Variants in OSBPL10 observed in about 807,000 individuals in gnomAD.
OSBPL10 encodes the protein oxysterol binding protein like 10, also known as oxysterol-binding protein-related protein 10.
In OSBPL10, 49 loss-of-function variants were observed where a neutral mutation model predicts 81.7. The ratio of observed to expected loss-of-function variants is 0.60; its 90% CI spans 0.48 to 0.76. The LOEUF is 0.76. Ranked by LOEUF, OSBPL10 falls within the 30% of genes least tolerant of loss-of-function variation. The pLI, the probability that OSBPL10 is intolerant of heterozygous loss-of-function variation, is 0.00. For synonymous variants in OSBPL10, 419 were observed against 383.6 expected, an observed-to-expected ratio of 1.09 and a Z score of -1.08; for missense variants, 923 against 987.8, an observed-to-expected ratio of 0.93 and a Z score of 0.88.
At chr3:32,056,208 GT>G (rs936185409) in intron 1 of OSBPL10, among the ~76,000 whole-genome samples, 2 of 152,126 alleles carry the variant, frequency 1.3e-5, no homozygotes, top group South Asian at 2.1e-4. Context: ...TTGTTTTTGA[GT>G]TTTTTTCTGC....
intron 4 of OSBPL10, among the ~76,000 whole-genome samples, chr3:31,812,718 AAAAGAAAGAAAGAAAGAAAGAAAGAAAG>A (rs140026828): frequency 0.01 from 433 of 41,806 alleles, 3 homozygotes; most frequent in African/African-American, 0.017. Context: ...TAGGCAAAAA[AAAAGAAAGAAAGAAAGAAAGAAAGAAAG>A]AAAGAAAGAA....
Position 31,838,201 on chromosome 3 carries a change from C to T in OSBPL10, c.538-7970G>A, listed in dbSNP as rs1700406556. Among the ~76,000 whole-genome samples, 9 of 152,246 alleles carry T rather than the reference C, an allele frequency of 5.9e-5. 1 individual carries two copies. In the South Asian group the frequency reaches 1.9e-3, roughly 32 times the overall value. On this transcript the variant is annotated intron_variant, in intron 3 of 11. Coordinates refer to ENST00000396556, the MANE Select transcript of OSBPL10 (RefSeq NM_017784.5). ...ATTACGGTCTAAATATTTGTGTCCC[C>T]TCCCCGCTAAAAAAGCTCATATATT...
intron 4 of OSBPL10, among the ~76,000 whole-genome samples, chr3:31,804,447 C>G (rs1306944373): frequency 6.6e-6 from 1 of 152,156 alleles, no homozygotes; most frequent in Non-Finnish European, 1.5e-5. Flanking sequence ...GCAAATGACC[C>G]AGCCTCTAGG....
intron 8 of OSBPL10, among the ~76,000 whole-genome samples, chr3:31,671,261 G>A (rs1700317273): frequency 6.6e-6 from 1 of 152,174 alleles, no homozygotes; most frequent in African/African-American, 2.4e-5. Flanking sequence ...CAGTGATAAA[G>A]GTAGGAGGGC....
chr3:31,970,205 C>T lies in OSBPL10; in HGVS notation c.281+10694G>A, dbSNP rs1478426528. Among the ~76,000 whole-genome samples the T allele has an allele frequency of 2.6e-5, 4 of 152,140 alleles. No homozygotes were observed. In the East Asian group the frequency reaches 5.8e-4, roughly 22 times the overall value. ...ATTAGGGTTAGATCTGACTGAGACTCGGGGCTTGCAAAAGAAGCATATTCC... is the reference window on the plus strand; with the variant it reads ...ATTAGGGTTAGATCTGACTGAGACTTGGGGCTTGCAAAAGAAGCATATTCC... On this transcript the variant is annotated intron_variant, in intron 1 of 11. Coordinates refer to ENST00000396556, the MANE Select transcript of OSBPL10 (RefSeq NM_017784.5).
At chr3:31,818,227 C>A (rs1267342280) in intron 4 of OSBPL10, among the ~76,000 whole-genome samples, 1 of 152,066 alleles carries the variant, frequency 6.6e-6, no homozygotes, top group African/African-American at 2.4e-5. Context: ...TGTGGGTGGG[C>A]CGCTCCAGTC....
chr3:31,989,116 A>G (rs758904217), intron 2 of OSBPL10: 1 of 1,614,144 alleles, frequency 6.2e-7, no homozygotes, highest in South Asian at 1.1e-5. Flanking sequence ...GAGGAAAGAA[A>G]AGGAGCCAGG....
chr3:31,908,568 C>T (rs1245675254), intron 1 of OSBPL10, among the ~76,000 whole-genome samples: 1 of 152,112 alleles, frequency 6.6e-6, no homozygotes, highest in Non-Finnish European at 1.5e-5. Flanking sequence ...TTTTTTGCCA[C>T]GTAAATGCCC....
At chr3:31,988,290 C>T (rs766773316) in intron 2 of OSBPL10, among the ~76,000 whole-genome samples, 9 of 152,152 alleles carry the variant, frequency 5.9e-5, no homozygotes, top group African/African-American at 1.9e-4. Flanking sequence ...GCCTCTCCTA[C>T]CTAGACCTGA....
intron 1 of OSBPL10, among the ~76,000 whole-genome samples, chr3:31,972,383 T>G (rs1188644796): frequency 1.3e-5 from 2 of 152,056 alleles, no homozygotes; most frequent in Non-Finnish European, 2.9e-5. Context: ...AGCGAGACTC[T>G]GTCTCAAAAA....
chr3:31,903,650 G>A (rs1696319766), intron 1 of OSBPL10, among the ~76,000 whole-genome samples: 1 of 152,060 alleles, frequency 6.6e-6, no homozygotes. Context: ...TTTTAAAGAT[G>A]AGGAAACCGA....
At chr3:31,693,957 A>C (rs1253134647) in intron 7 of OSBPL10, among the ~76,000 whole-genome samples, 1 of 152,102 alleles carries the variant, frequency 6.6e-6, no homozygotes, top group Non-Finnish European at 1.5e-5. Flanking sequence ...TTTGGTAGAG[A>C]CAAGGTCTTG....
rs1699762265 is a variant in OSBPL10 at position 32,063,654 on chromosome 3, T to A, written n.185+13742A>T. ...ATCCCTATATGTGAAGGGAGGGACCTGGTGGGAGGTGATTGGATCATGGGG... is the reference window on the plus strand; with the variant it reads ...ATCCCTATATGTGAAGGGAGGGACCAGGTGGGAGGTGATTGGATCATGGGG... On this transcript the variant is annotated intron_variant and non_coding_transcript_variant, in intron 1 of 3. Transcript: ENST00000479173. 2.2e-5 allele frequency among the ~76,000 whole-genome samples: 2 copies of A among 91,728 alleles called. 1 individual carries two copies. Among genetic ancestry groups the A allele is most frequent in the South Asian group, 8.7e-4 (2 of 2,286 alleles). The allele number at this position is 91,728 out of a possible 152,430, so 60.2% of individuals were successfully genotyped here.
intron 1 of OSBPL10, among the ~76,000 whole-genome samples, chr3:31,924,907 T>C (rs1256770138): frequency 6.6e-6 from 1 of 152,214 alleles, no homozygotes; most frequent in Non-Finnish European, 1.5e-5. Flanking sequence ...AATTTCATCT[T>C]TTCTTTTCAA....
intron 2 of OSBPL10, chr3:31,991,043 A>G: frequency 1.4e-6 from 2 of 1,407,600 alleles, no homozygotes; most frequent in Non-Finnish European, 1.9e-6. Context: ...TGCAATGAGT[A>G]TAGCAAACCA....
At chr3:31,762,817 A>G (rs951645638) in intron 4 of OSBPL10, among the ~76,000 whole-genome samples, 1 of 151,778 alleles carries the variant, frequency 6.6e-6, no homozygotes, top group Non-Finnish European at 1.5e-5. Flanking sequence ...CTGAAAGAGT[A>G]AACCATTTGC....
rs1696105668 is a variant in OSBPL10 at position 31,897,981 on chromosome 3, T to A, written c.282-18151A>T. Among the ~76,000 whole-genome samples, 3 of 124,242 alleles carry A rather than the reference T, an allele frequency of 2.4e-5. No individual in the cohort carries two copies. The South Asian group carries it at 8.0e-4, about 33-fold the overall frequency. 81.5% of individuals were successfully genotyped at this position (124,242 alleles called of 152,430 possible). A position where few individuals can be genotyped will look rare whatever the true frequency, so the allele number is the denominator to read the frequency against. On this transcript the variant is annotated intron_variant, in intron 1 of 11. Coordinates refer to ENST00000396556, the MANE Select transcript of OSBPL10 (RefSeq NM_017784.5). The stretch of plus-strand genomic sequence containing the variant: ...CGAGATCATGCCACTGCACCCCAGC[T>A]TGGGTGACACAGCGAGAACTCTGTC...
chr3:31,765,174 T>C (rs1698157449), intron 4 of OSBPL10, among the ~76,000 whole-genome samples: 1 of 151,980 alleles, frequency 6.6e-6, no homozygotes, highest in Admixed American at 6.6e-5. Flanking sequence ...TGTGCCACCA[T>C]GCCCAACTAA....
chr3:31,883,048 G>A (rs187481036), intron 1 of OSBPL10, among the ~76,000 whole-genome samples: 90 of 152,122 alleles, frequency 5.9e-4, no homozygotes, highest in African/African-American at 2.1e-3. Flanking sequence ...TCTTCCACTT[G>A]ACCTATATTT....
Sources: gnomAD v4.1 joint callset for allele counts (sites outside exome capture counted in the v4.1 genomes callset) on GRCh38, gnomAD v4.1.1 for gene constraint, MANE v1.5 for transcripts, NCBI Gene and HGNC (gene_info 2026-07-23, HGNC 2026-07-21) for gene names.